GLIS3: variants seen among roughly 807,000 people sequenced by gnomAD.
GLIS3 encodes the protein GLIS family zinc finger 3.
Under a neutral mutation model 78.6 loss-of-function variants are expected in GLIS3, and 53 were observed. The ratio of observed to expected loss-of-function variants is 0.67; its 90% CI spans 0.54 to 0.85. The LOEUF is 0.85. Ranked by LOEUF, GLIS3 falls within the 40% of genes least tolerant of loss-of-function variation. GLIS3 has a pLI of 0.00. For missense variants in GLIS3, 1,703 were observed against 1,231.1 expected (o/e 1.38, Z -5.74); for synonymous variants, 684 against 509.9 (o/e 1.34, Z -4.60).
At chr9:4,403,056 A>T in the GLIS3 span, among the ~76,000 whole-genome samples, 18 of 152,238 alleles carry the variant, frequency 1.2e-4, no homozygotes, top group Non-Finnish European at 2.1e-4. Context: ...TAAAGAAAGG[A>T]TCCTAAAAGC....
At chr9:3,831,932 C>G (rs7855695) in intron 9 of GLIS3, among the ~76,000 whole-genome samples, 43,410 of 151,672 alleles carry the variant, frequency 0.29, 6,887 homozygotes, top group East Asian at 0.61. Flanking sequence ...TGGCAAGTTA[C>G]CATATCTATA....
At chr9:4,232,111 C>T (rs1259991954) in intron 2 of GLIS3, among the ~76,000 whole-genome samples, 1 of 152,028 alleles carries the variant, frequency 6.6e-6, no homozygotes, top group Non-Finnish European at 1.5e-5. Flanking sequence ...GGCATGGAGA[C>T]GCACACCTGT....
chr9:4,455,155 C>G, the GLIS3 span, among the ~76,000 whole-genome samples: 1 of 152,116 alleles, frequency 6.6e-6, no homozygotes, highest in East Asian at 1.9e-4. Flanking sequence ...CTTAAGCCTG[C>G]CTTTGTGGCA....
chr9:4,253,138 G>A (rs972913042), intron 2 of GLIS3, among the ~76,000 whole-genome samples: 46 of 152,264 alleles, frequency 3.0e-4, no homozygotes, highest in Admixed American at 2.4e-3. Context: ...GAGCTCAAGC[G>A]CTGTGCTGGG....
At chr9:4,094,723 C>T (rs1829802978) in intron 4 of GLIS3, among the ~76,000 whole-genome samples, 2 of 152,160 alleles carry the variant, frequency 1.3e-5, no homozygotes, top group South Asian at 4.1e-4. Context: ...AACATGTTCT[C>T]ATTTAACATT....
chr9:4,032,827 G>T (rs1158583194), intron 4 of GLIS3, among the ~76,000 whole-genome samples: 1 of 151,942 alleles, frequency 6.6e-6, no homozygotes, highest in Non-Finnish European at 1.5e-5. Flanking sequence ...GGAACCTGAG[G>T]CTGGAATGCC....
At chr9:4,420,833 G>A in the GLIS3 span, among the ~76,000 whole-genome samples, 2 of 152,154 alleles carry the variant, frequency 1.3e-5, no homozygotes, top group Non-Finnish European at 1.5e-5. Context: ...ACTAGTCCAT[G>A]TATAACATCT....
chr9:3,984,433 G>C (rs1395776241), intron 4 of GLIS3, among the ~76,000 whole-genome samples: 1 of 152,208 alleles, frequency 6.6e-6, no homozygotes, highest in African/African-American at 2.4e-5. Context: ...TGCCCCGCTG[G>C]ATTTGGGAAT....
intron 2 of GLIS3, among the ~76,000 whole-genome samples, chr9:4,219,451 A>T (rs1821130914): frequency 6.6e-6 from 1 of 152,226 alleles, no homozygotes; most frequent in Non-Finnish European, 1.5e-5. Context: ...TGTAGTATAC[A>T]AATGTCACTG....
Position 4,011,515 on chromosome 9 carries a change from T to A in GLIS3, c.1711-74326A>T, listed in dbSNP as rs990479992. Among the ~76,000 whole-genome samples the A allele has an allele frequency of 2.6e-5, 4 of 152,194 alleles. 1 individual carries two copies. Reference sequence around the variant, plus strand: ...CTGTGTGGTGTGCACGGTACCCTCATTGATTCACAGAGATGTACGGGCAGC... The same window carrying A: ...CTGTGTGGTGTGCACGGTACCCTCAATGATTCACAGAGATGTACGGGCAGC... On this transcript the variant is annotated intron_variant, in intron 4 of 10. Transcript: ENST00000381971.
chr9:3,882,974 A>G (rs1588146919), intron 7 of GLIS3, among the ~76,000 whole-genome samples: 1 of 152,286 alleles, frequency 6.6e-6, no homozygotes. Flanking sequence ...CCAGGCCATG[A>G]CTGCTCATTG....
At chr9:4,353,074 C>A (rs1452043149), upstream of GLIS3, among the ~76,000 whole-genome samples, 1 of 152,126 alleles carries the variant, frequency 6.6e-6, no homozygotes, top group Non-Finnish European at 1.5e-5. Context: ...TGGTGGCCAC[C>A]TCTCAAGACT....
In GLIS3 at chr9:4,286,153, G is replaced by C. The variant is rs753240320; in HGVS notation, c.273C>G (p.Leu91=). The change falls in exon 2 of 11, where the codon CTC becomes CTG. Residue 91 remains leucine (L), a synonymous_variant. Transcript: ENST00000381971. ...LPALSPRRQM[L]TNGKPRFQVT... ...CCTGGAATCGCGGCTTCCCATTGGTGAGCATTTGTCTCCTGGGGCTTAAGG... is the reference window on the plus strand; with the variant it reads ...CCTGGAATCGCGGCTTCCCATTGGTCAGCATTTGTCTCCTGGGGCTTAAGG... 6.2e-7 allele frequency: 1 copy of C among 1,614,152 alleles called. No individual in the cohort carries two copies. The highest frequency in any genetic ancestry group is 8.5e-7 in the Non-Finnish European group (1 of 1,179,984).
chr9:3,911,410 A>G (rs1208291948), intron 6 of GLIS3, among the ~76,000 whole-genome samples: 2 of 152,142 alleles, frequency 1.3e-5, no homozygotes, highest in Non-Finnish European at 2.9e-5. Flanking sequence ...GCTACATTCA[A>G]CTCAAGCACT....
At chr9:3,946,510 TG>T (rs1195297149) in intron 4 of GLIS3, among the ~76,000 whole-genome samples, 1 of 152,228 alleles carries the variant, frequency 6.6e-6, no homozygotes, top group Non-Finnish European at 1.5e-5. Flanking sequence ...AGGTTTTAGA[TG>T]CTGAATTTTC....
intron 4 of GLIS3, among the ~76,000 whole-genome samples, chr9:4,114,772 G>C (rs1056669909): frequency 6.6e-6 from 1 of 152,082 alleles, no homozygotes; most frequent in Non-Finnish European, 1.5e-5. Flanking sequence ...GCCAGGCCTG[G>C]AAAGAGAGCA....
intron 7 of GLIS3, among the ~76,000 whole-genome samples, chr9:3,885,517 G>A (rs1186177991): frequency 6.6e-6 from 1 of 152,216 alleles, no homozygotes; most frequent in Non-Finnish European, 1.5e-5. Context: ...TTGAGATCCT[G>A]ACAAATGACA....
intron 4 of GLIS3, among the ~76,000 whole-genome samples, chr9:4,086,742 G>A (rs1829057376): frequency 6.6e-6 from 1 of 152,172 alleles, no homozygotes; most frequent in Non-Finnish European, 1.5e-5. Context: ...GCCGGGCACT[G>A]TGCACAGGAG....
chr9:4,265,124 A>T (rs1183171733), intron 2 of GLIS3, among the ~76,000 whole-genome samples: 1 of 150,498 alleles, frequency 6.6e-6, no homozygotes, highest in Non-Finnish European at 1.5e-5. Context: ...GTGAGCCGAG[A>T]TCACGCCACT....
Sources: gnomAD v4.1 joint callset for allele counts (sites outside exome capture counted in the v4.1 genomes callset) on GRCh38, gnomAD v4.1.1 for gene constraint, MANE v1.5 for transcripts, NCBI Gene and HGNC (gene_info 2026-07-23, HGNC 2026-07-21) for gene names.